The following GAS5 variants were observed in gnomAD, a reference collection of about 807,000 sequenced individuals.
The protein encoded by GAS5 is growth arrest specific 5 (non-protein coding).
intron 6 of GAS5, chr1:173,864,703 T>C: frequency 4.6e-6 from 2 of 437,606 alleles, no homozygotes; most frequent in Non-Finnish European, 9.0e-6. Context: ...GAATTCTGAG[T>C]CCTGAAATTA....
chr1:173,865,692 C>G (rs762892191), intron 5 of GAS5: 1 of 519,218 alleles, frequency 1.9e-6, no homozygotes, highest in South Asian at 1.4e-5. Flanking sequence ...TACACAAACC[C>G]CGTTCCAAAC....
intron 7 of GAS5, chr1:173,864,082 C>CA: frequency 2.1e-6 from 1 of 483,390 alleles, no homozygotes; most frequent in African/African-American, 1.9e-5. Flanking sequence ...GACCCTGTCT[C>CA]AAAAAATAAG....
chr1:173,867,421 C>T (rs1462104798), upstream of GAS5: 5 of 359,846 alleles, frequency 1.4e-5, no homozygotes, highest in Non-Finnish European at 2.7e-5. Context: ...GAGGCTGAGG[C>T]AGAACTGCTT....
intron 3 of GAS5, chr1:173,866,409 A>AAT (rs1557872593): frequency 1.8e-6 from 1 of 564,842 alleles, no homozygotes; most frequent in Admixed American, 1.9e-5. Context: ...TAGTATCAAT[A>AAT]TGAGAGCAAA....
chr1:173,867,076 G>C (rs1654830179), upstream of GAS5: 1 of 664,696 alleles, frequency 1.5e-6, no homozygotes, highest in Non-Finnish European at 2.7e-6. Context: ...TTAATTCATT[G>C]TTCCACGGTT....
upstream of GAS5, chr1:173,867,625 C>A (rs764296770): frequency 2.5e-5 from 13 of 518,308 alleles, no homozygotes; most frequent in South Asian, 1.5e-4. Flanking sequence ...CTGATGGAGG[C>A]TCGGGTCACG....
upstream of GAS5, chr1:173,867,964 C>A (rs552476186): frequency 1.2e-4 from 40 of 342,192 alleles, no homozygotes; most frequent in Non-Finnish European, 1.6e-4. Flanking sequence ...ACATACCTCA[C>A]AGGAGTCGAC....
intron 3 of GAS5, chr1:173,866,357 C>G (rs201898341): frequency 2.8e-4 from 149 of 527,582 alleles, no homozygotes; most frequent in Non-Finnish European, 8.3e-5. Flanking sequence ...AACTATGCAA[C>G]CATCATAGTA....
exon 2 of GAS5, chr1:173,866,784 C>T (rs1158307427): frequency 1.3e-6 from 1 of 765,002 alleles, no homozygotes; most frequent in Non-Finnish European, 2.4e-6. Flanking sequence ...CTCATCCTTC[C>T]TTGGGGACAC....
chr1:173,866,469 T>C (rs2102686828), intron 3 of GAS5: 5 of 637,984 alleles, frequency 7.8e-6, no homozygotes, highest in Middle Eastern at 2.6e-4. Flanking sequence ...ATAATCATCA[T>C]TGCTTTGGCT....
At chr1:173,865,635 C>T (rs780451525) in intron 5 of GAS5, 13 of 519,084 alleles carry the variant, frequency 2.5e-5, no homozygotes, top group Non-Finnish European at 5.0e-5. Flanking sequence ...TTCAGTGTTA[C>T]CTTTGTCTAC....
At chr1:173,865,525 A>G (rs1469998101) in exon 6 of GAS5, 23 of 513,094 alleles carry the variant, frequency 4.5e-5, no homozygotes, top group South Asian at 3.1e-4. Context: ...CAAGTCATCC[A>G]TGGATAAAAA....
rs1480897834 is a variant in GAS5 at position 173,865,214 on chromosome 1, T to C, written n.276+257A>G. ...TTGTCTAAAAAAAAAAAAAAAATAC[T>C]TGGAACTGCTATACCTTTGCTTCTT... On this transcript the variant is annotated intron_variant and non_coding_transcript_variant, in intron 6 of 7. Coordinates refer to ENST00000651080, the Ensembl canonical transcript of GAS5. 5 of 333,974 alleles carry C rather than the reference T, an allele frequency of 1.5e-5. No individual in the cohort carries two copies. Among genetic ancestry groups the C allele is most frequent in the African/African-American group, 6.6e-5 (3 of 45,140 alleles). 20.7% of individuals were successfully genotyped at this position (333,974 alleles called of 1,614,324 possible). A position where few individuals can be genotyped will look rare whatever the true frequency, so the allele number is the denominator to read the frequency against.
chr1:173,867,913 G>A (rs75315904), upstream of GAS5: 38,664 of 370,270 alleles, frequency 0.1, 2,618 homozygotes, highest in East Asian at 0.33. Flanking sequence ...AGCAGACAAA[G>A]GCTGGAGCGC....
rs959927645 is a variant in GAS5 at position 173,866,514 on chromosome 1, TAG to T, written n.131+12_131+13del. 28 of 693,764 alleles carry T rather than the reference TAG, an allele frequency of 4.0e-5. 1 individual carries two copies. The highest frequency in any genetic ancestry group is 4.7e-4 in the Middle Eastern group (2 of 4,256). The allele number at this position is 693,764 out of a possible 1,614,324, so 43.0% of individuals were successfully genotyped here. A position where few individuals can be genotyped will look rare whatever the true frequency, so the allele number is the denominator to read the frequency against. ...TCCCTTAAAAGTGAGAAGTACAAAA[TAG>T]AGGTGTCTCACCTGTGTGCCAATGG... On this transcript the variant is annotated intron_variant and non_coding_transcript_variant, in intron 3 of 7. Transcript: ENST00000651080.
upstream of GAS5, chr1:173,867,639 C>T (rs1199726863): frequency 3.9e-6 from 2 of 518,932 alleles, no homozygotes; most frequent in East Asian, 5.4e-5. Context: ...GGTCACGGCC[C>T]TTAACAATAG....
intron 3 of GAS5, chr1:173,866,233 C>A: frequency 2.1e-6 from 1 of 484,652 alleles, no homozygotes; most frequent in Non-Finnish European, 4.1e-6. Flanking sequence ...AAATTGTCAG[C>A]AAAAAATATT....
At chr1:173,866,712 G>T (rs931738637) in intron 2 of GAS5, 2 of 765,344 alleles carry the variant, frequency 2.6e-6, no homozygotes, top group Admixed American at 3.4e-5. Context: ...TCATCATTGT[G>T]GCACATCCAA....
At chr1:173,865,251 CCA>C (rs1011733118) in intron 6 of GAS5, 12 of 367,310 alleles carry the variant, frequency 3.3e-5, no homozygotes, top group South Asian at 6.3e-5. Flanking sequence ...AAAACTTGCT[CCA>C]CACAGTGTAG....
Sources: gnomAD v4.1 joint callset for allele counts on GRCh38, gnomAD v4.1.1 for gene constraint, MANE v1.5 for transcripts, NCBI Gene and HGNC (gene_info 2026-07-23, HGNC 2026-07-21) for gene names.